Variants in TMEM127 observed in about 807,000 individuals in gnomAD.
TMEM127 encodes transmembrane protein 127.
TMEM127 carries 21 observed loss-of-function variants against 20.1 expected under a neutral mutation model. The observed-to-expected ratio is 1.04, with a 90% CI of 0.74 to 1.50. The LOEUF (loss-of-function observed/expected upper bound fraction) is 1.50, where lower values mean the gene tolerates loss of function less well. TMEM127 is among the 40% of genes most tolerant of loss of function. The pLI, the probability that TMEM127 is intolerant of heterozygous loss-of-function variation, is 0.00. For synonymous variants in TMEM127, 150 were observed against 144.7 expected, an observed-to-expected ratio of 1.04 and a Z score of -0.26; for missense variants, 303 against 317.4, an observed-to-expected ratio of 0.95 and a Z score of 0.34.
chr2:96,257,838 C>G (rs1684241441), intron 2 of TMEM127, among the ~76,000 whole-genome samples: 1 of 152,084 alleles, frequency 6.6e-6, no homozygotes, highest in African/African-American at 2.4e-5. Flanking sequence ...CTGCTTGAAC[C>G]TGGGAGGTGG....
At chr2:96,263,158 G>T (rs953043268) in intron 2 of TMEM127, among the ~76,000 whole-genome samples, 1 of 150,832 alleles carries the variant, frequency 6.6e-6, no homozygotes, top group Non-Finnish European at 1.5e-5. Context: ...GGGTTCAAGC[G>T]ATTCGCCTGC....
rs1031657440 is a variant in TMEM127 at position 96,251,836 on chromosome 2, G to A, written c.*1972C>T. On this transcript the variant is annotated 3_prime_UTR_variant, in exon 4 of 4. Transcript: ENST00000258439. The stretch of plus-strand genomic sequence containing the variant: ...AGTGGGTTCCGGATCGTGCGGAACA[G>A]TCCACAGGGTCATTTACAGGTCCTC... The A allele has an allele frequency of 5.1e-5, 12 of 233,232 alleles. No individual in the cohort carries two copies. The highest frequency in any genetic ancestry group is 2.2e-4 in the African/African-American group (10 of 45,334). 14.4% of individuals were successfully genotyped at this position (233,232 alleles called of 1,614,324 possible). A position where few individuals can be genotyped will look rare whatever the true frequency, so the allele number is the denominator to read the frequency against.
At chr2:96,256,342 C>T (rs558882245) in intron 2 of TMEM127, among the ~76,000 whole-genome samples, 99 of 150,964 alleles carry the variant, frequency 6.6e-4, no homozygotes, top group Admixed American at 9.9e-4. Flanking sequence ...GAGGCCAAGG[C>T]GGGCAAAACA....
At chr2:96,264,614 T>C (rs888654808) in intron 2 of TMEM127, among the ~76,000 whole-genome samples, 1 of 152,244 alleles carries the variant, frequency 6.6e-6, no homozygotes, top group Middle Eastern at 3.4e-3. Context: ...CCTATAATGG[T>C]TCCAAGAGCC....
In TMEM127 at chr2:96,263,216, A is replaced by G. The variant is rs1684346554; in HGVS notation, c.244+1922T>C. ...ACTACAGGCGTGTGCCACCACACCC[A>G]GCTAATTTTTGTATTTTTAGTAGAG... On this transcript the variant is annotated intron_variant, in intron 2 of 3. Transcript: ENST00000258439. Among the ~76,000 whole-genome samples the G allele has an allele frequency of 2.0e-5, 3 of 151,520 alleles. No homozygotes were observed. The South Asian group carries it at 6.2e-4, about 31-fold the overall frequency.
At chr2:96,255,956 G>A (rs1318916477) in intron 2 of TMEM127, among the ~76,000 whole-genome samples, 2 of 151,706 alleles carry the variant, frequency 1.3e-5, no homozygotes, top group Admixed American at 6.6e-5. Flanking sequence ...CTGGATGACC[G>A]AGAGAGACCC....
intron 2 of TMEM127, among the ~76,000 whole-genome samples, chr2:96,259,003 T>C (rs1427183771): frequency 6.6e-6 from 1 of 152,224 alleles, no homozygotes; most frequent in Admixed American, 6.5e-5. Flanking sequence ...GTTCATTTGA[T>C]TATCCTTAAA....
At position 96,249,373 on chromosome 2, in the gene TMEM127, G is replaced by A. The variant is rs1020047596; in HGVS notation, c.*4435C>T. ...GGCCTCCCAAAGTGCTGGGATAATAGGCGTGAGCCACCGCACCCGGCCAGA... is the reference window on the plus strand; with the variant it reads ...GGCCTCCCAAAGTGCTGGGATAATAAGCGTGAGCCACCGCACCCGGCCAGA... On this transcript the variant is annotated 3_prime_UTR_variant, in exon 4 of 4. Coordinates refer to ENST00000258439, the MANE Select transcript of TMEM127 (RefSeq NM_017849.4). 10 of 215,104 alleles carry A rather than the reference G, an allele frequency of 4.6e-5. No individual in the cohort carries two copies. Among genetic ancestry groups the A allele is most frequent in the African/African-American group, 2.0e-4 (9 of 44,360 alleles). The allele number at this position is 215,104 out of a possible 1,614,324, so 13.3% of individuals were successfully genotyped here. A position where few individuals can be genotyped will look rare whatever the true frequency, so the allele number is the denominator to read the frequency against.
At position 96,254,945 on chromosome 2, in the gene TMEM127, G is replaced by A; in HGVS notation, c.297C>T (p.Phe99=). 1.9e-6 allele frequency: 3 copies of A among 1,614,258 alleles called. No individual in the cohort carries two copies. Among genetic ancestry groups the A allele is most frequent in the Non-Finnish European group, 8.5e-7 (1 of 1,180,046 alleles). Residue 99 remains phenylalanine, a synonymous_variant, in exon 3 of 4, where the codon TTC becomes TTT. Transcript: ENST00000258439. ...GACTACACAGGATGCCCAGGAAACAGAAGGCGGCGATGACCCGCAGGAGCA... is the reference window on the plus strand; with the variant it reads ...GACTACACAGGATGCCCAGGAAACAAAAGGCGGCGATGACCCGCAGGAGCA... ...TVLLLRVIAA[F]CFLGILCSLS...
chr2:96,254,135 C>T lies in TMEM127; in HGVS notation c.410-20G>A. ...GCAGAACTAGGAGACAGAGGGACAG[C>T]ACAGAAGGGGAATTAGTGAGCACTC... On this transcript the variant is annotated intron_variant, in intron 3 of 3. Coordinates refer to ENST00000258439, the MANE Select transcript of TMEM127 (RefSeq NM_017849.4). 1 of 1,612,398 alleles carries T rather than the reference C, an allele frequency of 6.2e-7. No homozygotes were observed. Among genetic ancestry groups the T allele is most frequent in the South Asian group, 1.1e-5 (1 of 91,080 alleles).
In TMEM127 at chr2:96,250,673, C is replaced by T. The variant is rs750562727; in HGVS notation, c.*3135G>A. On this transcript the variant is annotated 3_prime_UTR_variant, in exon 4 of 4. Coordinates refer to ENST00000258439, the MANE Select transcript of TMEM127 (RefSeq NM_017849.4). Reference sequence around the variant, plus strand: ...CAGCTCTTTTACCGTGATGCACACTCGGGGCTGGGTGTAGGCTGTGTGATC... The same window carrying T: ...CAGCTCTTTTACCGTGATGCACACTTGGGGCTGGGTGTAGGCTGTGTGATC... 4.3e-5 allele frequency: 10 copies of T among 232,894 alleles called. No individual in the cohort carries two copies. Among genetic ancestry groups the T allele is most frequent in the East Asian group, 1.8e-4 (3 of 16,584 alleles). 14.4% of individuals were successfully genotyped at this position (232,894 alleles called of 1,614,324 possible). A position where few individuals can be genotyped will look rare whatever the true frequency, so the allele number is the denominator to read the frequency against.
At chr2:96,261,623 T>C (rs1407101354) in intron 2 of TMEM127, among the ~76,000 whole-genome samples, 1 of 151,990 alleles carries the variant, frequency 6.6e-6, no homozygotes, top group African/African-American at 2.4e-5. Flanking sequence ...TCAACTAGAA[T>C]AGGAAAGTGA....
chr2:96,255,381 G>A (rs1355889394), intron 2 of TMEM127, among the ~76,000 whole-genome samples: 1 of 152,256 alleles, frequency 6.6e-6, no homozygotes, highest in East Asian at 1.9e-4. Flanking sequence ...GAGACAGCCA[G>A]AGAGGCTAAG....
In TMEM127 at chr2:96,254,901, T is replaced by C; in HGVS notation, c.341A>G (p.Asp114Gly). 6.2e-7 allele frequency: 1 copy of C among 1,614,054 alleles called. No homozygotes were observed. Reference protein sequence around the residue: ...ILCSLSAFLLDVFGPKHPALK... With the variant: ...ILCSLSAFLLGVFGPKHPALK... ...AGCAGGATGCTTCGGCCCAAAGACA[T>C]CCAGAAGGAAAGCGGAGAGACTACA... The change falls in exon 3 of 4, where the codon GAT (aspartate) becomes GGT (glycine). Residue 114 changes from aspartate to glycine, a missense_variant. Asp to Gly is a moderately conservative substitution (Grantham distance 94). Coordinates refer to ENST00000258439, the MANE Select transcript of TMEM127 (RefSeq NM_017849.4).
In TMEM127 at chr2:96,251,081, G is replaced by A. The variant is rs888309132; in HGVS notation, c.*2727C>T. On this transcript the variant is annotated 3_prime_UTR_variant, in exon 4 of 4. Transcript: ENST00000258439. ...GAAGAGCTCAGGGTTTGAAGGTTGG[G>A]CCTTGGGCGGGAGTCAGCTACTATT... 4.6e-6 allele frequency: 1 copy of A among 217,966 alleles called. No homozygotes were observed. The highest frequency in any genetic ancestry group is 9.2e-6 in the Non-Finnish European group (1 of 108,414). The allele number at this position is 217,966 out of a possible 1,614,324, so 13.5% of individuals were successfully genotyped here. A position where few individuals can be genotyped will look rare whatever the true frequency, so the allele number is the denominator to read the frequency against.
Position 96,253,410 on chromosome 2 carries a change from C to T in TMEM127, c.*398G>A. On this transcript the variant is annotated 3_prime_UTR_variant, in exon 4 of 4. Coordinates refer to ENST00000258439, the MANE Select transcript of TMEM127 (RefSeq NM_017849.4). This position sits in a 1 kb window ranked among gnomAD's most constrained non-coding sequence, Gnocchi z 4.3. ...CAAACACTGATCCCTGTGAAGTGAG[C>T]CTCCAGGGCACAGTCCCCTTTCCCT... 1.8e-5 allele frequency: 5 copies of T among 284,918 alleles called. No individual in the cohort carries two copies. Among genetic ancestry groups the T allele is most frequent in the South Asian group, 1.7e-4 (2 of 11,950 alleles). 17.6% of individuals were successfully genotyped at this position (284,918 alleles called of 1,614,324 possible).
At chr2:96,259,789 C>T (rs1269590453) in intron 2 of TMEM127, among the ~76,000 whole-genome samples, 3 of 152,224 alleles carry the variant, frequency 2.0e-5, no homozygotes, top group Non-Finnish European at 4.4e-5. Flanking sequence ...ACATCTGCCC[C>T]ACCCACCACC....
At chr2:96,263,311 G>A (rs1684348126) in intron 2 of TMEM127, among the ~76,000 whole-genome samples, 2 of 151,382 alleles carry the variant, frequency 1.3e-5, no homozygotes, top group Non-Finnish European at 2.9e-5. Flanking sequence ...CACCCGCCTC[G>A]GCCTCCCAAA....
Position 96,252,622 on chromosome 2 carries a change from C to T in TMEM127, c.*1186G>A, listed in dbSNP as rs1037829984. The T allele has an allele frequency of 9.0e-5, 21 of 233,826 alleles. No homozygotes were observed. The highest frequency in any genetic ancestry group is 4.4e-4 in the African/African-American group (20 of 45,358). The allele number at this position is 233,826 out of a possible 1,614,324, so 14.5% of individuals were successfully genotyped here. ...AGCACTGGGTCTGAAGGACACAGCC[C>T]GGCCTGCTGGGCTGACAGTGTGGGT... is the stretch of plus-strand genomic sequence containing the variant. On this transcript the variant is annotated 3_prime_UTR_variant, in exon 4 of 4. Transcript: ENST00000258439. This position sits in a 1 kb window ranked among gnomAD's most constrained non-coding sequence, Gnocchi z 4.2.
Sources: allele counts gnomAD v4.1 joint callset (sites outside exome capture counted in the v4.1 genomes callset), GRCh38; gene constraint gnomAD v4.1.1; non-coding constraint Gnocchi (gnomAD v3.1); transcripts MANE v1.5; gene names NCBI Gene and HGNC (gene_info 2026-07-23, HGNC 2026-07-21).